The following PHLPP1 variants were observed in gnomAD, a reference collection of about 807,000 sequenced individuals.
The protein encoded by PHLPP1 is PH domain leucine-rich repeat-containing protein phosphatase 1.
Under a neutral mutation model 117.2 loss-of-function variants are expected in PHLPP1, and 42 were observed. That is an observed-to-expected ratio of 0.36 (90% CI 0.28 to 0.46). The LOEUF (loss-of-function observed/expected upper bound fraction) is 0.46. Ranked by LOEUF, PHLPP1 falls within the 20% of genes least tolerant of loss-of-function variation. The pLI is 1.00. For missense variants in PHLPP1, 2,084 were observed against 2,241.9 expected (o/e 0.93, Z 1.42); for synonymous variants, 1,042 against 970.7 (o/e 1.07, Z -1.37).
At chr18:62,873,002 A>AAAAG (rs553035931) in intron 4 of PHLPP1, among the ~76,000 whole-genome samples, 34,782 of 139,304 alleles carry the variant, frequency 0.25, 5,391 homozygotes, top group Non-Finnish European at 0.35. Flanking sequence ...AAAAAAAAAA[A>AAAAG]AAAAAGAAAA....
At chr18:62,872,308 C>T (rs1241973533) in intron 4 of PHLPP1, among the ~76,000 whole-genome samples, 1 of 152,208 alleles carries the variant, frequency 6.6e-6, no homozygotes, top group Non-Finnish European at 1.5e-5. Flanking sequence ...GTCTTAGCCT[C>T]CATTCCGTCT....
intron 1 of PHLPP1, among the ~76,000 whole-genome samples, chr18:62,796,794 C>G (rs1434010688): frequency 3.3e-5 from 5 of 152,048 alleles, no homozygotes; most frequent in Non-Finnish European, 7.4e-5. Context: ...GAACAAAGTG[C>G]TGTTTTGGTC....
At chr18:62,796,864 G>C (rs776421912) in intron 1 of PHLPP1, among the ~76,000 whole-genome samples, 12 of 152,176 alleles carry the variant, frequency 7.9e-5, no homozygotes, top group Non-Finnish European at 1.2e-4. Context: ...TCAGAAAACT[G>C]TTGATTAGTG....
chr18:62,775,921 C>A (rs1050077487), intron 1 of PHLPP1, among the ~76,000 whole-genome samples: 4 of 151,922 alleles, frequency 2.6e-5, no homozygotes, highest in Non-Finnish European at 4.4e-5. Context: ...GTTTGCATTT[C>A]TATAATTTTG....
intron 1 of PHLPP1, among the ~76,000 whole-genome samples, chr18:62,767,940 A>G (rs1912606127): frequency 6.6e-6 from 1 of 152,198 alleles, no homozygotes; most frequent in African/African-American, 2.4e-5. Flanking sequence ...TTTGGCTGGC[A>G]CTTAGATAAC....
Position 62,978,901 on chromosome 18 carries a change from G to A in PHLPP1, c.4624G>A (p.Asp1542Asn), listed in dbSNP as rs374008323. 1.2e-6 allele frequency: 2 copies of A among 1,607,150 alleles called. No homozygotes were observed. The highest frequency in any genetic ancestry group is 1.7e-5 in the Admixed American group (1 of 58,914). ...SSATFSSAFS[D>N]NGLDSDDEEP... Reference sequence around the variant, plus strand: ...CGCCACGTTCTCTAGCGCCTTCTCCGACAACGGCCTTGACAGTGACGATGA... The same window carrying A: ...CGCCACGTTCTCTAGCGCCTTCTCCAACAACGGCCTTGACAGTGACGATGA... Residue 1542 changes from aspartate to asparagine, a missense_variant, in exon 17 of 17, where the codon GAC becomes AAC. Physicochemically the swap from Asp to Asn is conservative, Grantham distance 23 (BLOSUM62 1). Transcript: ENST00000262719. The surrounding 1 kb of genome is among the most constrained non-coding windows in gnomAD (Gnocchi z 7.0).
chr18:62,945,880 G>C (rs2144459407), intron 12 of PHLPP1, among the ~76,000 whole-genome samples: 1 of 152,364 alleles, frequency 6.6e-6, no homozygotes, highest in Non-Finnish European at 1.5e-5. Flanking sequence ...ATTGGTAGCA[G>C]AGGTAGTCTG....
At chr18:62,730,802 A>C (rs566044503) in intron 1 of PHLPP1, among the ~76,000 whole-genome samples, 11 of 152,340 alleles carry the variant, frequency 7.2e-5, no homozygotes, top group Non-Finnish European at 1.5e-4. Context: ...AAAAAAAAAA[A>C]AAAAAACTGT....
intron 10 of PHLPP1, among the ~76,000 whole-genome samples, chr18:62,926,888 T>C (rs1237722582): frequency 6.6e-6 from 1 of 152,118 alleles, no homozygotes; most frequent in Non-Finnish European, 1.5e-5. Flanking sequence ...TTCCCAGCAA[T>C]TACACTTTGA....
At chr18:62,761,667 T>G (rs536046628) in intron 1 of PHLPP1, among the ~76,000 whole-genome samples, 2 of 134,070 alleles carry the variant, frequency 1.5e-5, no homozygotes, top group East Asian at 4.3e-4. Flanking sequence ...AAATAAAAAA[T>G]AAAAAAAAAA....
intron 2 of PHLPP1, among the ~76,000 whole-genome samples, chr18:62,833,157 T>A (rs1054317991): frequency 6.6e-6 from 1 of 152,180 alleles, no homozygotes; most frequent in African/African-American, 2.4e-5. Context: ...CACTGCACTC[T>A]CTGCCTCCCG....
At chr18:62,810,109 A>G (rs766972102) in intron 1 of PHLPP1, among the ~76,000 whole-genome samples, 2 of 152,242 alleles carry the variant, frequency 1.3e-5, no homozygotes, top group Non-Finnish European at 2.9e-5. Flanking sequence ...TAACACTGGT[A>G]CAGTCTACTC....
At chr18:62,769,115 G>C (rs1349224037) in intron 1 of PHLPP1, among the ~76,000 whole-genome samples, 1 of 152,142 alleles carries the variant, frequency 6.6e-6, no homozygotes, top group Admixed American at 6.5e-5. Flanking sequence ...ATTAAGAACT[G>C]CTCATTCGCT....
At chr18:62,844,616 A>G (rs759771474) in intron 3 of PHLPP1, among the ~76,000 whole-genome samples, 1 of 152,166 alleles carries the variant, frequency 6.6e-6, no homozygotes, top group Non-Finnish European at 1.5e-5. Flanking sequence ...TTCGCTCACA[A>G]CTATTTTCAC....
intron 1 of PHLPP1, among the ~76,000 whole-genome samples, chr18:62,748,683 CT>C (rs1911752319): frequency 6.6e-6 from 1 of 152,018 alleles, no homozygotes; most frequent in African/African-American, 2.4e-5. Context: ...TTTTGGGTTA[CT>C]GTTTACTTGG....
intron 16 of PHLPP1, among the ~76,000 whole-genome samples, chr18:62,977,427 G>A (rs1568180267): frequency 1.6e-5 from 1 of 62,362 alleles, no homozygotes; most frequent in Non-Finnish European, 2.8e-5. Flanking sequence ...GGTACACGTG[G>A]CAAAAAAAAA....
intron 1 of PHLPP1, among the ~76,000 whole-genome samples, chr18:62,788,542 A>G (rs1913365294): frequency 6.6e-6 from 1 of 151,992 alleles, no homozygotes; most frequent in Admixed American, 6.5e-5. Flanking sequence ...TCAAAAATAG[A>G]TGGGTAGTAA....
At chr18:62,717,432 C>T (rs913741139) in intron 1 of PHLPP1, among the ~76,000 whole-genome samples, 173 bp downstream of exon 1, 8 of 152,134 alleles carry the variant, frequency 5.3e-5, no homozygotes, top group African/African-American at 1.7e-4. Flanking sequence ...ATTGAGCAAT[C>T]TTTAAATCTG....
At chr18:62,820,642 T>G (rs1431023249) in intron 1 of PHLPP1, among the ~76,000 whole-genome samples, 1 of 152,188 alleles carries the variant, frequency 6.6e-6, no homozygotes, top group African/African-American at 2.4e-5. Context: ...GTGAAGAAGG[T>G]GCTTTGCTTC....
Sources: gnomAD v4.1 joint callset for allele counts (sites outside exome capture counted in the v4.1 genomes callset) on GRCh38, gnomAD v4.1.1 for gene constraint, Gnocchi (gnomAD v3.1) non-coding constraint, MANE v1.5 for transcripts, NCBI Gene and HGNC (gene_info 2026-07-23, HGNC 2026-07-21) for gene names.